Variants in RNH1 observed in about 807,000 individuals in gnomAD.
The protein encoded by RNH1 is ribonuclease/angiogenin inhibitor 1, also known as ribonuclease inhibitor.
Under a neutral mutation model 46.1 loss-of-function variants are expected in RNH1, and 38 were observed. The ratio of observed to expected loss-of-function variants is 0.82; its 90% CI spans 0.64 to 1.08. The LOEUF is 1.08. Among genes scored for constraint, RNH1 ranks in the 50% least tolerant of loss-of-function variants. The pLI is 0.00. For synonymous variants in RNH1, 319 were observed against 279.1 expected (o/e 1.14, Z -1.43); for missense variants, 577 against 590.7 (o/e 0.98, Z 0.24).
intron 9 of RNH1, among the ~76,000 whole-genome samples, chr11:496,147 G>A (rs1389964147): frequency 1.3e-5 from 2 of 152,172 alleles, no homozygotes. Context: ...CAAGTATCCA[G>A]CACAAAGAAC....
At chr11:499,576 G>A (rs1849539570) in intron 5 of RNH1, 3 of 708,352 alleles carry the variant, frequency 4.2e-6, no homozygotes, top group East Asian at 2.7e-5. Flanking sequence ...CGGGTCCTGG[G>A]GCAGCTGTGC....
intron 8 of RNH1, 34 bp from the exon 9 acceptor site, chr11:498,175 G>T: frequency 6.3e-7 from 1 of 1,579,738 alleles, no homozygotes. Flanking sequence ...GCCTGGCAGG[G>T]GCCCAGGCTG....
chr11:494,832 T>A, intron 10 of RNH1, 51 bp downstream of exon 10: 2 of 1,523,352 alleles, frequency 1.3e-6, no homozygotes, highest in Non-Finnish European at 1.8e-6. Flanking sequence ...CACCCCCGCC[T>A]TCCTCCCTGG....
intron 4 of RNH1, 189 bp downstream of exon 4, chr11:500,295 C>A (rs1256004411): frequency 2.7e-6 from 2 of 746,446 alleles, no homozygotes; most frequent in African/African-American, 1.8e-5. Context: ...TGGGATAAGG[C>A]AGGAAGGGCC....
intron 9 of RNH1, among the ~76,000 whole-genome samples, chr11:496,114 A>G (rs1849035020): frequency 6.6e-6 from 1 of 152,194 alleles, no homozygotes; most frequent in African/African-American, 2.4e-5. Context: ...AAAATCACCA[A>G]AGGTATATTT....
intron 5 of RNH1, chr11:499,429 G>T (rs1565028774): frequency 1.2e-5 from 8 of 678,368 alleles, no homozygotes; most frequent in Non-Finnish European, 2.2e-5. Context: ...CCAGGCCCGG[G>T]AGAAAGAAAC....
chr11:499,506 CCA>C, intron 5 of RNH1: 1 of 696,952 alleles, frequency 1.4e-6, no homozygotes, highest in South Asian at 1.5e-5. Flanking sequence ...GCCGGGTCCC[CCA>C]CACACACTGA....
At chr11:506,792 C>T (rs1850311268) in intron 1 of RNH1, 1 of 152,320 alleles carries the variant, frequency 6.6e-6, no homozygotes. Context: ...GCTTGACGGC[C>T]ACGTGAGGAC....
chr11:494,800 G>A, intron 10 of RNH1, 22 bp from the exon 11 acceptor site: 3 of 1,613,540 alleles, frequency 1.9e-6, no homozygotes, highest in Non-Finnish European at 1.7e-6. Flanking sequence ...CCAGAAGGGA[G>A]GCATGGGCCC....
Position 494,544 on chromosome 11 carries a change from G to A in RNH1, c.*147C>T. ...AAGAAAGTGCTTTAATGATTATAAA[G>A]TGTCCAAAATATACTGGCAGAAATA... is the stretch of plus-strand genomic sequence containing the variant. On this transcript the variant is annotated 3_prime_UTR_variant, in exon 11 of 11. Coordinates refer to ENST00000354420, the MANE Select transcript of RNH1 (RefSeq NM_203387.3). The A allele has an allele frequency of 1.4e-6, 1 of 739,216 alleles. No individual in the cohort carries two copies. The highest frequency in any genetic ancestry group is 2.3e-6 in the Non-Finnish European group (1 of 431,748). 45.8% of individuals were successfully genotyped at this position (739,216 alleles called of 1,614,324 possible).
chr11:499,807 C>G, intron 5 of RNH1, 22 bp downstream of exon 5: 1 of 1,597,058 alleles, frequency 6.3e-7, no homozygotes, highest in East Asian at 2.2e-5. Context: ...AGCATGGGCC[C>G]TGGGGCAGGA....
chr11:498,697 G>T, intron 7 of RNH1, 66 bp downstream of exon 7: 2 of 1,597,080 alleles, frequency 1.3e-6, no homozygotes, highest in Non-Finnish European at 1.7e-6. Context: ...CCAGGGGCGG[G>T]GGAGAGCTCT....
At position 499,965 on chromosome 11, in the gene RNH1, C is replaced by T. The variant is rs145799355; in HGVS notation, c.307G>A (p.Gly103Arg). 2.3e-4 allele frequency: 370 copies of T among 1,595,648 alleles called. 2 individuals carry two copies. The highest frequency in any genetic ancestry group is 2.3e-4 in the Admixed American group (13 of 57,364). Residue 103 changes from glycine to arginine, a missense_variant, in exon 5 of 11, where the codon GGG becomes AGG. Gly to Arg is a moderately radical substitution (Grantham distance 125). Transcript: ENST00000354420. Reference sequence around the variant, plus strand: ...GTGCGTAGTGTGCTGGACAGGACCCCGCAGCCGGCCCCCGTCAGGCAGCAG... The same window carrying T: ...GTGCGTAGTGTGCTGGACAGGACCCTGCAGCCGGCCCCCGTCAGGCAGCAG... ...QNCCLTGAGC[G>R]VLSSTLRTLP...
At chr11:506,803 G>C (rs1246978003) in intron 1 of RNH1, 2 of 152,292 alleles carry the variant, frequency 1.3e-5, no homozygotes, top group African/African-American at 4.8e-5. Flanking sequence ...ACGTGAGGAC[G>C]AACCACGCAG....
At chr11:498,200 C>A in intron 8 of RNH1, 59 bp from the exon 9 acceptor site, 2 of 1,542,692 alleles carry the variant, frequency 1.3e-6, no homozygotes, top group Non-Finnish European at 1.7e-6. Context: ...ACAGCTGCGA[C>A]TGGCCCTTCC....
chr11:501,601 A>T lies in RNH1; in HGVS notation c.101+461T>A, dbSNP rs1849755708. On this transcript the variant is annotated intron_variant, in intron 3 of 10. Coordinates refer to ENST00000354420, the MANE Select transcript of RNH1 (RefSeq NM_203387.3). This position sits in a 1 kb window ranked among gnomAD's most constrained non-coding sequence, Gnocchi z 4.1. ...CTGACACTACTTGAAATCACCAGGT[A>T]AAAAGAGAAAAGATGCGGCCCACCC... 1 of 164,416 alleles carries T rather than the reference A, an allele frequency of 6.1e-6. No homozygotes were observed. Among genetic ancestry groups the T allele is most frequent in the African/African-American group, 2.4e-5 (1 of 41,756 alleles). The allele number at this position is 164,416 out of a possible 1,614,324, so 10.2% of individuals were successfully genotyped here. A position where few individuals can be genotyped will look rare whatever the true frequency, so the allele number is the denominator to read the frequency against.
At chr11:496,068 C>T (rs1417267058) in intron 9 of RNH1, among the ~76,000 whole-genome samples, 1 of 151,926 alleles carries the variant, frequency 6.6e-6, no homozygotes, top group Non-Finnish European at 1.5e-5. Flanking sequence ...GGCTCATGGG[C>T]ACACCAAAAA....
At position 499,118 on chromosome 11, in the gene RNH1, CCGGCTTGG is replaced by C; in HGVS notation, c.503_510del (p.Ala168GlyfsTer8). The C allele has an allele frequency of 6.2e-7, 1 of 1,613,394 alleles. No individual in the cohort carries two copies. Among genetic ancestry groups the C allele is most frequent in the Middle Eastern group, 1.6e-4 (1 of 6,062 alleles). The stretch of plus-strand genomic sequence containing the variant: ...TTGCTAACCGTGAGCTCCTTGAAGT[CCGGCTTGG>C]CCCTGAGCACGGAGGCCAGGGGCTC... On this transcript the variant is annotated frameshift_variant, in exon 6 of 11. Transcript: ENST00000354420. LOFTEE classifies it high-confidence loss of function.
In RNH1 at chr11:498,555, C is replaced by T. The variant is rs1446950268; in HGVS notation, c.858G>A (p.Leu286=). Residue 286 remains leucine, a synonymous_variant, in exon 8 of 11, where the codon CTG becomes CTA. Transcript: ENST00000354420. Reference sequence around the variant, plus strand: ...CGTTGCCGGCCAGGCTGAGCTCCTTCAGGCTCTCCTTGGCCCTGAGGACAC... The same window carrying T: ...CGTTGCCGGCCAGGCTGAGCTCCTTTAGGCTCTCCTTGGCCCTGAGGACAC... ...LCRVLRAKES[L]KELSLAGNEL... 6 of 1,613,218 alleles carry T rather than the reference C, an allele frequency of 3.7e-6. No individual in the cohort carries two copies. In the East Asian group the frequency reaches 1.3e-4, roughly 36 times the overall value.
Sources: allele counts gnomAD v4.1 joint callset (sites outside exome capture counted in the v4.1 genomes callset), GRCh38; gene constraint gnomAD v4.1.1; non-coding constraint Gnocchi (gnomAD v3.1); transcripts MANE v1.5; gene names NCBI Gene and HGNC (gene_info 2026-07-23, HGNC 2026-07-21).